DNAAF8: variants seen among roughly 807,000 people sequenced by gnomAD.
The protein encoded by DNAAF8 is dynein axonemal-associated protein 1.
DNAAF8 carries 61 observed loss-of-function variants against 54.6 expected under a neutral mutation model. The ratio of observed to expected loss-of-function variants is 1.12; its 90% confidence interval spans 0.91 to 1.38. The LOEUF is 1.38. DNAAF8 is among the 40% of genes most tolerant of loss of function. The probability of loss-of-function intolerance (pLI) is 0.00; values close to 1 mark genes in which losing one functional copy is unlikely to be tolerated. For synonymous variants in DNAAF8, 320 were observed against 270.1 expected (o/e 1.18, Z -1.81); for missense variants, 837 against 665.0 (o/e 1.26, Z -2.85).
rs768356179 is a variant in DNAAF8, at chr16:4,736,685, C to A, written c.129+42C>A. On this transcript the variant is annotated intron_variant, in intron 2 of 9. Transcript: ENST00000299320. The stretch of plus-strand genomic sequence containing the variant: ...TCCCTGGATGCCTTGTCCTTCCTAC[C>A]AGAGCAGGCATGACGCTGGCCAGGA... 9 of 1,497,838 alleles carry A rather than the reference C, an allele frequency of 6.0e-6. No individual in the cohort carries two copies. In the East Asian group the frequency reaches 2.2e-4, roughly 36 times the overall value. The allele number at this position is 1,497,838 out of a possible 1,614,324, so 92.8% of individuals were successfully genotyped here. A position where few individuals can be genotyped will look rare whatever the true frequency, so the allele number is the denominator to read the frequency against.
chr16:4,745,141 C>A, intron 6 of DNAAF8, 130 bp downstream of exon 6: 2 of 1,208,676 alleles, frequency 1.7e-6, no homozygotes, highest in Non-Finnish European at 2.3e-6. Context: ...AGCATCTGAT[C>A]AGGCAGTCGC....
intron 8 of DNAAF8, 68 bp downstream of exon 8, chr16:4,747,093 C>T (rs1017891510): frequency 2.8e-6 from 4 of 1,427,798 alleles, no homozygotes; most frequent in Non-Finnish European, 3.8e-6. Flanking sequence ...AAGCCCTCCA[C>T]CTGGCACATT....
At chr16:4,736,744 G>T in intron 2 of DNAAF8, 101 bp downstream of exon 2, 1 of 1,231,480 alleles carries the variant, frequency 8.1e-7, no homozygotes, top group Non-Finnish European at 1.1e-6. Context: ...GACTTTTCCT[G>T]CTGACCTGTG....
At chr16:4,739,666 A>G (rs546624193) in intron 3 of DNAAF8, among the ~76,000 whole-genome samples, 3 of 150,112 alleles carry the variant, frequency 2.0e-5, no homozygotes, top group East Asian at 2.0e-4. Flanking sequence ...CTCCCACTTC[A>G]GCCTCCCAAG....
rs2082024548 is a variant in DNAAF8 at position 4,746,945 on chromosome 16, TGACAGTGAG to T, written c.1203_1211del (p.Asp401_Glu403del). 3 of 1,563,280 alleles carry T rather than the reference TGACAGTGAG, an allele frequency of 1.9e-6. No individual in the cohort carries two copies. The highest frequency in any genetic ancestry group is 4.8e-5 in the East Asian group (2 of 41,790). Reference sequence around the variant, plus strand: ...CCTGCAGCTCCAGCCACAGCTCCTCTGACAGTGAGGAGGAGGAGGAGGAAGAGATGGCAG... The same window carrying T: ...CCTGCAGCTCCAGCCACAGCTCCTCTGAGGAGGAGGAGGAAGAGATGGCAG... On this transcript the variant is annotated inframe_deletion, in exon 8 of 10. Transcript: ENST00000299320.
intron 1 of DNAAF8, 197 bp downstream of exon 1, chr16:4,734,895 G>T (rs1416553828): frequency 6.6e-6 from 1 of 152,160 alleles, no homozygotes; most frequent in Non-Finnish European, 1.5e-5. Flanking sequence ...CTGGGGGCGG[G>T]GCTCTGAGAA....
intron 4 of DNAAF8, 118 bp downstream of exon 4, chr16:4,740,777 A>G: frequency 8.0e-7 from 1 of 1,250,860 alleles, no homozygotes. Context: ...CCTTAGGCCC[A>G]TTATCCACCA....
chr16:4,745,426 G>A (rs2082002630), intron 6 of DNAAF8, among the ~76,000 whole-genome samples: 1 of 152,208 alleles, frequency 6.6e-6, no homozygotes, highest in South Asian at 2.1e-4. Flanking sequence ...CTGTGTAGGG[G>A]TGGAAGGGCA....
chr16:4,744,865 C>T lies in DNAAF8; in HGVS notation c.902-5C>T. 6.2e-7 allele frequency: 1 copy of T among 1,611,180 alleles called. No homozygotes were observed. The highest frequency in any genetic ancestry group is 8.5e-7 in the Non-Finnish European group (1 of 1,178,404). Reference sequence around the variant, plus strand: ...CTAATCAGCCTCTCCTTTGGCCATCCTCAGACCGCATGGTGCCGAGCGCCC... The same window carrying T: ...CTAATCAGCCTCTCCTTTGGCCATCTTCAGACCGCATGGTGCCGAGCGCCC... On this transcript the variant is annotated splice_region_variant and splice_polypyrimidine_tract_variant and intron_variant, in intron 5 of 9. Transcript: ENST00000299320.
chr16:4,742,590 C>T (rs1374790536), intron 4 of DNAAF8, among the ~76,000 whole-genome samples: 1 of 150,582 alleles, frequency 6.6e-6, no homozygotes, highest in Non-Finnish European at 1.5e-5. Flanking sequence ...TGTGGTGGCG[C>T]ATGCCTGTAA....
chr16:4,738,049 T>C (rs973941458), intron 3 of DNAAF8, 103 bp downstream of exon 3: 21 of 1,358,922 alleles, frequency 1.5e-5, no homozygotes, highest in East Asian at 1.5e-4. Context: ...TGCTAGAACA[T>C]GGTCCTTTTT....
chr16:4,745,861 G>A lies in DNAAF8; in HGVS notation c.1044-514G>A, dbSNP rs535798498. Among the ~76,000 whole-genome samples the A allele has an allele frequency of 8.8e-4, 132 of 150,830 alleles. 1 individual carries two copies. Among genetic ancestry groups the A allele is most frequent in the African/African-American group, 3.2e-3 (130 of 41,254 alleles). On this transcript the variant is annotated intron_variant, in intron 6 of 9. Coordinates refer to ENST00000299320, the MANE Select transcript of DNAAF8 (RefSeq NM_139170.3). ...CCAGCTACTTGGGAGGCTGAGGCAG[G>A]AGAAATCTCTTGAACCCAGGAGGCG...
At chr16:4,736,671 C>A in intron 2 of DNAAF8, 28 bp downstream of exon 2, 1 of 1,526,572 alleles carries the variant, frequency 6.6e-7, no homozygotes, top group South Asian at 1.2e-5. Flanking sequence ...CCCTGGATGC[C>A]TTGTCCTTCC....
chr16:4,740,238 G>A lies in DNAAF8; in HGVS notation c.362G>A (p.Arg121Lys), dbSNP rs1247708025. Residue 121 changes from arginine (R) to lysine (K), a missense_variant, in exon 4 of 10, where the codon AGA (arginine) becomes AAA (lysine). By Grantham distance (26) the Arg-to-Lys change is conservative (BLOSUM62 2). Transcript: ENST00000299320. ...RTKDASSQEG[R>K]DPGRPFESSG... Reference sequence around the variant, plus strand: ...AAGGATGCATCCTCTCAGGAAGGAAGAGACCCTGGCAGGCCTTTTGAAAGC... The same window carrying A: ...AAGGATGCATCCTCTCAGGAAGGAAAAGACCCTGGCAGGCCTTTTGAAAGC... 1.9e-6 allele frequency: 3 copies of A among 1,614,108 alleles called. No individual in the cohort carries two copies. The South Asian group carries it at 3.3e-5, about 18-fold the overall frequency.
intron 2 of DNAAF8, 63 bp from the exon 3 acceptor site, chr16:4,737,737 G>C: frequency 6.4e-7 from 1 of 1,574,564 alleles, no homozygotes; most frequent in Non-Finnish European, 8.7e-7. Flanking sequence ...GAGCGGGGGT[G>C]GCTAGGCCCT....
intron 7 of DNAAF8, 187 bp downstream of exon 7, chr16:4,746,699 G>A (rs1034814044): frequency 3.4e-6 from 3 of 870,964 alleles, no homozygotes; most frequent in African/African-American, 1.7e-5. Context: ...AGGGGCATGA[G>A]GCACACCTCC....
chr16:4,737,752 G>C, intron 2 of DNAAF8, 48 bp from the exon 3 acceptor site: 2 of 1,605,448 alleles, frequency 1.2e-6, no homozygotes, highest in Non-Finnish European at 1.7e-6. Context: ...GGCCCTCAGG[G>C]CTCTGCCTGC....
rs1032551765 is a variant in DNAAF8 at position 4,737,795 on chromosome 16, C to G, written c.130-5C>G. ...TCCTCCAAAAGCCCTCTCATTTGTC[C>G]ACAGTCGGACTATGGGGAAGAGGAG... On this transcript the variant is annotated splice_polypyrimidine_tract_variant and splice_region_variant and intron_variant, in intron 2 of 9. Coordinates refer to ENST00000299320, the MANE Select transcript of DNAAF8 (RefSeq NM_139170.3). 6.2e-7 allele frequency: 1 copy of G among 1,614,074 alleles called. No individual in the cohort carries two copies. The highest frequency in any genetic ancestry group is 1.7e-5 in the Admixed American group (1 of 60,022).
At chr16:4,745,096 G>T in intron 6 of DNAAF8, 85 bp downstream of exon 6, 1 of 1,485,412 alleles carries the variant, frequency 6.7e-7, no homozygotes, top group Admixed American at 1.8e-5. Context: ...TACCAAGGGC[G>T]GGGCACTCCA....
Sources: gnomAD v4.1 joint callset for allele counts (sites outside exome capture counted in the v4.1 genomes callset) on GRCh38, gnomAD v4.1.1 for gene constraint, MANE v1.5 for transcripts, NCBI Gene and HGNC (gene_info 2026-07-23, HGNC 2026-07-21) for gene names.